Variants in RORA observed in about 807,000 individuals in gnomAD.
RORA encodes the protein nuclear receptor ROR-alpha.
In RORA, 7 loss-of-function variants were observed where a neutral mutation model predicts 69.5. The observed-to-expected ratio is 0.10, with a 90% CI of 0.06 to 0.19. The LOEUF (loss-of-function observed/expected upper bound fraction) is 0.19. RORA is among the 10% of genes least tolerant of loss of function. The pLI is 1.00. For missense variants in RORA, 457 were observed against 663.0 expected (o/e 0.69, Z 3.41); for synonymous variants, 261 against 240.8 (o/e 1.08, Z -0.78).
intron 1 of RORA, among the ~76,000 whole-genome samples, chr15:60,925,915 C>T (rs982371158): frequency 1.9e-4 from 29 of 152,136 alleles, no homozygotes; most frequent in Non-Finnish European, 2.9e-4. Context: ...GGAAACACAA[C>T]GGTTGGTGGG....
chr15:60,592,373 G>T, intron 2 of RORA: 1 of 1,415,822 alleles, frequency 7.1e-7, no homozygotes, highest in Non-Finnish European at 9.3e-7. Flanking sequence ...CCCCGGCGGG[G>T]CGCCCGGGCT....
chr15:60,817,795 T>A (rs2072838188), intron 1 of RORA, among the ~76,000 whole-genome samples: 1 of 152,240 alleles, frequency 6.6e-6, no homozygotes, highest in Non-Finnish European at 1.5e-5. Context: ...GAATCATACC[T>A]ACCTGCTTAC....
intron 2 of RORA, among the ~76,000 whole-genome samples, chr15:60,549,151 C>T (rs917366719): frequency 1.3e-5 from 2 of 152,138 alleles, no homozygotes; most frequent in Non-Finnish European, 1.5e-5. Flanking sequence ...CCCAAAGTTA[C>T]GAGAAACAAG....
At chr15:60,808,758 A>G (rs2072697811) in intron 1 of RORA, among the ~76,000 whole-genome samples, 1 of 151,122 alleles carries the variant, frequency 6.6e-6, no homozygotes, top group Admixed American at 6.6e-5. Context: ...CATTATAAAC[A>G]TATATACAAA....
At chr15:61,019,972 T>G (rs1273147645) in intron 1 of RORA, among the ~76,000 whole-genome samples, 1 of 152,202 alleles carries the variant, frequency 6.6e-6, no homozygotes, top group Non-Finnish European at 1.5e-5. Context: ...TCTGTATCCT[T>G]CACCACCACC....
At chr15:60,632,903 T>C (rs967673566) in intron 2 of RORA, among the ~76,000 whole-genome samples, 1 of 152,044 alleles carries the variant, frequency 6.6e-6, no homozygotes, top group Admixed American at 6.6e-5. Context: ...AATTGGGAAA[T>C]TGTGAGAAGA....
chr15:60,764,279 G>A (rs888720471), intron 1 of RORA, among the ~76,000 whole-genome samples: 2 of 151,884 alleles, frequency 1.3e-5, no homozygotes, highest in Admixed American at 6.6e-5. Context: ...GTGGGAAGCG[G>A]GGGGTATGGG....
At chr15:61,159,794 T>C (rs13329630) in intron 1 of RORA, among the ~76,000 whole-genome samples, 7,997 of 152,312 alleles carry the variant, frequency 0.053, 729 homozygotes, top group African/African-American at 0.18. Flanking sequence ...GATTAGCTAT[T>C]ACCAAATTCA....
At chr15:60,566,367 T>C (rs1263264063) in intron 2 of RORA, among the ~76,000 whole-genome samples, 1 of 152,218 alleles carries the variant, frequency 6.6e-6, no homozygotes, top group Admixed American at 6.5e-5. Context: ...AACATTTTAA[T>C]GTTATTTTAA....
chr15:61,112,227 T>G (rs2079012793), intron 1 of RORA, among the ~76,000 whole-genome samples: 1 of 152,216 alleles, frequency 6.6e-6, no homozygotes, highest in African/African-American at 2.4e-5. Flanking sequence ...AAATGGAGCT[T>G]GCATTTTTAA....
At chr15:60,862,827 T>C (rs1227206377) in intron 1 of RORA, among the ~76,000 whole-genome samples, 1 of 152,244 alleles carries the variant, frequency 6.6e-6, no homozygotes, top group Non-Finnish European at 1.5e-5. Context: ...CATCTATTTG[T>C]GTAACTGTTC....
At chr15:60,916,288 G>A in intron 1 of RORA, among the ~76,000 whole-genome samples, 1 of 152,184 alleles carries the variant, frequency 6.6e-6, no homozygotes, top group Non-Finnish European at 1.5e-5. Flanking sequence ...GATCTGATTG[G>A]CCAGGGATTG....
chr15:60,540,867 T>C lies in RORA; in HGVS notation c.197-9016A>G, dbSNP rs183068957. ...TCCCTCTATAGCAAGCCCAGAACAC[T>C]AAAAAGACAACATATTTATAGTCAC... On this transcript the variant is annotated intron_variant, in intron 2 of 10. Coordinates refer to ENST00000335670, the MANE Select transcript of RORA (RefSeq NM_134261.3). Among the ~76,000 whole-genome samples, 254 of 152,242 alleles carry C rather than the reference T, an allele frequency of 1.7e-3. 2 individuals are homozygous for C. Among genetic ancestry groups the C allele is most frequent in the Admixed American group, 2.7e-3 (42 of 15,294 alleles).
intron 1 of RORA, among the ~76,000 whole-genome samples, chr15:60,684,439 C>A (rs1441717411): frequency 6.6e-6 from 1 of 152,044 alleles, no homozygotes; most frequent in Non-Finnish European, 1.5e-5. Flanking sequence ...CATAGTGAAA[C>A]CCACAGTCTC....
chr15:60,698,374 G>A (rs535531878), intron 1 of RORA, among the ~76,000 whole-genome samples: 7 of 152,084 alleles, frequency 4.6e-5, no homozygotes, highest in Non-Finnish European at 1.0e-4. Flanking sequence ...CCTGCCCCTC[G>A]TTGACATGGC....
intron 8 of RORA, 120 bp from the exon 9 acceptor site, chr15:60,501,189 T>C (rs189131272): frequency 4.7e-6 from 3 of 638,694 alleles, no homozygotes; most frequent in Non-Finnish European, 8.4e-6. Context: ...GAGAAAAACA[T>C]GGGGAAGGTG....
intron 1 of RORA, among the ~76,000 whole-genome samples, chr15:61,025,361 A>T (rs1895753099): frequency 6.6e-6 from 1 of 152,182 alleles, no homozygotes; most frequent in Admixed American, 6.5e-5. Flanking sequence ...ATTCCCTTCA[A>T]GGGCTGTGGT....
Position 60,885,089 on chromosome 15 carries a change from C to T in RORA, c.167-206403G>A, listed in dbSNP as rs79678818. On this transcript the variant is annotated intron_variant, in intron 1 of 10. Coordinates refer to ENST00000335670, the MANE Select transcript of RORA (RefSeq NM_134261.3). ...ATTAAAGATGGCTATATATTTTTAA[C>T]GCTCCCTTCAGTGAGAAGTGGGTTT... Among the ~76,000 whole-genome samples, 877 of 152,226 alleles carry T rather than the reference C, an allele frequency of 5.8e-3. 6 individuals carry two copies. The highest frequency in any genetic ancestry group is 0.02 in the African/African-American group (839 of 41,530).
chr15:61,111,963 T>C (rs1335115319), intron 1 of RORA, among the ~76,000 whole-genome samples: 4 of 152,188 alleles, frequency 2.6e-5, no homozygotes, highest in African/African-American at 9.7e-5. Flanking sequence ...CGAGCAACCC[T>C]GTGTATAAGC....
Sources: gnomAD v4.1 joint callset for allele counts (sites outside exome capture counted in the v4.1 genomes callset) on GRCh38, gnomAD v4.1.1 for gene constraint, MANE v1.5 for transcripts, NCBI Gene and HGNC (gene_info 2026-07-23, HGNC 2026-07-21) for gene names.